The following AFF1 variants were observed in gnomAD, a reference collection of about 807,000 sequenced individuals.
The protein encoded by AFF1 is AF4/FMR2 family member 1.
Under a neutral mutation model 121.7 loss-of-function variants are expected in AFF1, and 48 were observed. The ratio of observed to expected loss-of-function variants is 0.39; its 90% CI spans 0.31 to 0.50. AFF1 has a LOEUF of 0.50. Ranked by LOEUF, AFF1 falls within the 20% of genes least tolerant of loss-of-function variation. The pLI is 0.76. For synonymous variants in AFF1, 613 were observed against 563.0 expected, an observed-to-expected ratio of 1.09 and a Z score of -1.26; for missense variants, 1,523 against 1,511.7, an observed-to-expected ratio of 1.01 and a Z score of -0.12.
chr4:87,124,042 G>A (rs1235028973), intron 12 of AFF1, among the ~76,000 whole-genome samples: 3 of 152,182 alleles, frequency 2.0e-5, no homozygotes, highest in African/African-American at 7.2e-5. Flanking sequence ...AGAGCCATGG[G>A]AAGGAGGCCG....
chr4:87,015,865 A>G (rs1174937699), intron 2 of AFF1, among the ~76,000 whole-genome samples: 1 of 152,190 alleles, frequency 6.6e-6, no homozygotes. Context: ...TATTGGTATT[A>G]TCCATGATCT....
intron 1 of AFF1, among the ~76,000 whole-genome samples, chr4:86,943,364 C>T (rs1057038671): frequency 2.6e-5 from 4 of 152,180 alleles, no homozygotes; most frequent in Non-Finnish European, 5.9e-5. Flanking sequence ...GAGAATCAGA[C>T]TAAAACAGAA....
At chr4:87,006,886 G>A (rs1348318931) in intron 2 of AFF1, 3 of 912,338 alleles carry the variant, frequency 3.3e-6, no homozygotes, top group East Asian at 1.5e-4. Context: ...TTTGGCTAGG[G>A]CCGCCGAGCG....
At chr4:87,115,595 C>T (rs80061598) in intron 12 of AFF1, among the ~76,000 whole-genome samples, 4,737 of 120,648 alleles carry the variant, frequency 0.039, 293 homozygotes, top group African/African-American at 0.13. Flanking sequence ...TCTAGGGCCG[C>T]CCCCAACCCA....
chr4:86,969,461 A>G (rs1249545080), intron 2 of AFF1, among the ~76,000 whole-genome samples: 2 of 152,110 alleles, frequency 1.3e-5, no homozygotes, highest in East Asian at 3.9e-4. Flanking sequence ...CCTGGGCAAC[A>G]GAGCGAGCTT....
intron 4 of AFF1, among the ~76,000 whole-genome samples, chr4:87,074,162 C>T (rs543639100): frequency 4.6e-5 from 7 of 152,018 alleles, no homozygotes; most frequent in Non-Finnish European, 8.8e-5. Flanking sequence ...TAAATTCTTC[C>T]GAAAAACACT....
chr4:86,998,431 C>G (rs1725415840), intron 2 of AFF1, among the ~76,000 whole-genome samples: 1 of 152,148 alleles, frequency 6.6e-6, no homozygotes, highest in Non-Finnish European at 1.5e-5. Context: ...TTTGTGACTA[C>G]AAAAACAGGT....
chr4:87,060,576 C>T (rs950090593), intron 4 of AFF1, among the ~76,000 whole-genome samples: 19 of 152,078 alleles, frequency 1.2e-4, no homozygotes, highest in African/African-American at 2.9e-4. Flanking sequence ...CGGTGGCTGA[C>T]GCCTGTAATC....
chr4:87,106,649 T>C (rs980150354), intron 10 of AFF1, among the ~76,000 whole-genome samples: 1 of 152,244 alleles, frequency 6.6e-6, no homozygotes, highest in African/African-American at 2.4e-5. Flanking sequence ...AGCCATACTT[T>C]AGGAAATGTG....
At chr4:87,129,180 T>C (rs142232616) in intron 16 of AFF1, among the ~76,000 whole-genome samples, 222 of 152,362 alleles carry the variant, frequency 1.5e-3, no homozygotes, top group Middle Eastern at 3.4e-3. Context: ...TCTTAAAATA[T>C]GCCAGCTTGG....
intron 2 of AFF1, among the ~76,000 whole-genome samples, chr4:87,022,334 AGATATTAACACACT>A (rs1407819313): frequency 6.6e-6 from 1 of 151,720 alleles, no homozygotes; most frequent in East Asian, 1.9e-4. Flanking sequence ...TAGTTAACAG[AGATATTAACACACT>A]GACACTTAGG....
intron 8 of AFF1, among the ~76,000 whole-genome samples, chr4:87,105,318 A>G (rs575480334): frequency 5.3e-5 from 8 of 152,346 alleles, no homozygotes; most frequent in African/African-American, 1.9e-4. Context: ...AGGGCTCGCA[A>G]CGAATCCTTG....
At chr4:87,013,512 AG>A (rs1727007927) in intron 2 of AFF1, among the ~76,000 whole-genome samples, 1 of 152,158 alleles carries the variant, frequency 6.6e-6, no homozygotes, top group Admixed American at 6.5e-5. Context: ...ATGTTTTCAA[AG>A]GGCACTCACT....
Position 86,985,086 on chromosome 4 carries a change from AAACT to A in AFF1, c.38+36519_38+36522del, listed in dbSNP as rs76709405. 3.4e-5 allele frequency among the ~76,000 whole-genome samples: 5 copies of A among 147,996 alleles called. No individual in the cohort carries two copies. In the East Asian group the frequency reaches 7.8e-4, roughly 23 times the overall value. ...TAATCCTAAATTTAATAGAAAAGGG[AAACT>A]AACATGTTTTATAAATACAAATATT... On this transcript the variant is annotated intron_variant, in intron 2 of 20. Transcript: ENST00000395146.
chr4:87,125,160 G>GGTGGTTGCTAATCT lies in AFF1; in HGVS notation c.2573+17_2573+18insGTGGTTGCTAATCT. On this transcript the variant is annotated intron_variant, in intron 13 of 20. Transcript: ENST00000395146. ...TAAAACAAAGTGAGTATAGAGATTA[G>GGTGGTTGCTAATCT]CAACCACCTAATCTACGGTGATCAA... 6.3e-7 allele frequency: 1 copy of GGTGGTTGCTAATCT among 1,589,016 alleles called. No homozygotes were observed. The highest frequency in any genetic ancestry group is 8.6e-7 in the Non-Finnish European group (1 of 1,163,926).
intron 4 of AFF1, among the ~76,000 whole-genome samples, chr4:87,061,479 C>T (rs1034815889): frequency 1.1e-4 from 17 of 152,366 alleles, no homozygotes; most frequent in South Asian, 2.1e-4. Context: ...TTAAAACCAA[C>T]ACTGGGGCGT....
chr4:87,103,941 G>C (rs193191752), intron 8 of AFF1, among the ~76,000 whole-genome samples: 40 of 152,128 alleles, frequency 2.6e-4, no homozygotes, highest in African/African-American at 9.6e-4. Flanking sequence ...TTTTTTTCTG[G>C]TTGTATTATA....
At chr4:86,968,106 T>G (rs1190452455) in intron 2 of AFF1, among the ~76,000 whole-genome samples, 1 of 152,092 alleles carries the variant, frequency 6.6e-6, no homozygotes, top group Non-Finnish European at 1.5e-5. Context: ...GGAGAAGAGG[T>G]TCAGAACATC....
chr4:87,074,483 A>T (rs1316786881), intron 4 of AFF1, among the ~76,000 whole-genome samples: 1 of 152,220 alleles, frequency 6.6e-6, no homozygotes, highest in Non-Finnish European at 1.5e-5. Context: ...AATGGTTCAT[A>T]GTCAATAGTT....
Sources: gnomAD v4.1 joint callset for allele counts (sites outside exome capture counted in the v4.1 genomes callset) on GRCh38, gnomAD v4.1.1 for gene constraint, MANE v1.5 for transcripts, NCBI Gene and HGNC (gene_info 2026-07-23, HGNC 2026-07-21) for gene names.